FAN1: variants seen among roughly 807,000 people sequenced by gnomAD.
FAN1 encodes FANCD2 and FANCI associated nuclease 1.
FAN1 carries 91 observed loss-of-function variants against 104.9 expected under a neutral mutation model. That is an observed-to-expected ratio of 0.87 (90% CI 0.73 to 1.03). The LOEUF (loss-of-function observed/expected upper bound fraction) is 1.03, where lower values mean the gene tolerates loss of function less well. Among genes scored for constraint, FAN1 ranks in the 50% least tolerant of loss-of-function variants. FAN1 has a pLI of 0.00. For missense variants in FAN1, 1,263 were observed against 1,239.9 expected, an observed-to-expected ratio of 1.02 and a Z score of -0.28; for synonymous variants, 478 against 457.6, an observed-to-expected ratio of 1.04 and a Z score of -0.57.
intron 5 of FAN1, among the ~76,000 whole-genome samples, chr15:30,915,801 A>G (rs993693933): frequency 6.6e-6 from 1 of 152,206 alleles, no homozygotes; most frequent in African/African-American, 2.4e-5. Context: ...AAGAAAGAAT[A>G]GTGTAGGTCT....
At chr15:30,940,953 G>T in intron 14 of FAN1, 2 of 1,095,344 alleles carry the variant, frequency 1.8e-6, no homozygotes, top group Non-Finnish European at 2.2e-6. Flanking sequence ...CAAAGAAGGT[G>T]ATCTAAAATC....
intron 5 of FAN1, among the ~76,000 whole-genome samples, chr15:30,914,419 C>T (rs1285831894): frequency 2.0e-5 from 3 of 152,136 alleles, no homozygotes; most frequent in Non-Finnish European, 4.4e-5. Context: ...GGCTGGAGTG[C>T]GGTGGCATGA....
Position 30,925,794 on chromosome 15 carries a change from C to T in FAN1, c.2343C>T (p.Thr781=). The T allele has an allele frequency of 6.2e-7, 1 of 1,614,118 alleles. No homozygotes were observed. Residue 781 remains threonine, a synonymous_variant, in exon 10 of 15, where the codon ACC becomes ACT. Transcript: ENST00000362065. The part of the protein sequence containing the change: ...EMAVQDVKHV[T]ITGRLCPQRG... ...TTATTCTGCTGCTGTTTCAGGTGAC[C>T]ATCACAGGCAGGCTGTGCCCACAGC...
chr15:30,926,926 C>T lies in FAN1; in HGVS notation c.2488+987C>T, dbSNP rs370413645. The T allele has an allele frequency of 2.6e-4, 260 of 985,350 alleles. 5 individuals are homozygous for T. The South Asian group carries it at 9.3e-3, about 35-fold the overall frequency. 61.0% of individuals were successfully genotyped at this position (985,350 alleles called of 1,614,324 possible). A position where few individuals can be genotyped will look rare whatever the true frequency, so the allele number is the denominator to read the frequency against. On this transcript the variant is annotated intron_variant, in intron 10 of 14. Transcript: ENST00000362065. ...TGCCACAGGGAATTTTGTGTCAGAG[C>T]GATCTCAACCTCTTCTGGGAGGTGA...
intron 14 of FAN1, chr15:30,940,701 TC>T: frequency 1.0e-6 from 1 of 988,342 alleles, no homozygotes. Context: ...CTCTGGGGAC[TC>T]CTGGCTATGA....
chr15:30,925,971 A>G (rs1473015002), intron 10 of FAN1, 32 bp downstream of exon 10: 1 of 1,610,506 alleles, frequency 6.2e-7, no homozygotes, highest in South Asian at 1.1e-5. Flanking sequence ...TGTGGCACCC[A>G]GCCCCGGGTG....
rs1296017417 is a variant in FAN1, at chr15:30,939,390, C to T, written c.*3+2131C>T. The T allele has an allele frequency of 7.1e-6, 7 of 985,374 alleles. No homozygotes were observed. In the East Asian group the frequency reaches 6.8e-4, roughly 96 times the overall value. The allele number at this position is 985,374 out of a possible 1,614,324, so 61.0% of individuals were successfully genotyped here. A position where few individuals can be genotyped will look rare whatever the true frequency, so the allele number is the denominator to read the frequency against. ...TAGTGCGCCCTGTGCAGCCACACCA[C>T]TGCTGTCACCACATGTCCCTCTGAC... is the stretch of plus-strand genomic sequence containing the variant. On this transcript the variant is annotated intron_variant, in intron 14 of 14. Coordinates refer to ENST00000362065, the MANE Select transcript of FAN1 (RefSeq NM_014967.5).
intron 1 of FAN1, 97 bp from the exon 2 acceptor site, chr15:30,904,414 CG>C (rs1566904582): frequency 1.7e-6 from 1 of 574,704 alleles, no homozygotes; most frequent in Non-Finnish European, 3.1e-6. Context: ...GTTGTCTCCT[CG>C]TTACAGGAGA....
chr15:30,941,111 C>CCTAA (rs1219337503), intron 14 of FAN1: 7 of 1,241,162 alleles, frequency 5.6e-6, no homozygotes, highest in Admixed American at 3.1e-5. Flanking sequence ...ACACAAATTT[C>CCTAA]CTAACTTTCC....
rs1453435486 is a variant in FAN1 at position 30,923,713 on chromosome 15, T to G, written c.2172+1359T>G. Among the ~76,000 whole-genome samples the G allele has an allele frequency of 2.0e-5, 3 of 152,230 alleles. No individual in the cohort carries two copies. The East Asian group carries it at 5.8e-4, about 29-fold the overall frequency. On this transcript the variant is annotated intron_variant, in intron 8 of 14. Transcript: ENST00000362065. Reference sequence around the variant, plus strand: ...CACCGTCTTCTGCCAGCGAACAGGGTGCCCTTCAGAGTCTCATTCTCCCAT... The same window carrying G: ...CACCGTCTTCTGCCAGCGAACAGGGGGCCCTTCAGAGTCTCATTCTCCCAT...
chr15:30,940,890 C>T, intron 14 of FAN1: 1 of 1,019,684 alleles, frequency 9.8e-7, no homozygotes, highest in South Asian at 3.7e-5. Context: ...TAAAGTTGAC[C>T]CTATGAAGTT....
In FAN1 at chr15:30,941,646, C is replaced by A. The variant is rs369855394; in HGVS notation, c.*84C>A. 7.5e-6 allele frequency: 12 copies of A among 1,610,728 alleles called. No homozygotes were observed. Among genetic ancestry groups the A allele is most frequent in the Non-Finnish European group, 1.0e-5 (12 of 1,178,532 alleles). ...GTGTCGGTGTGGTGAGGGCCGCTGG[C>A]GTTGAAGTACATCCTGCTCTGGCCC... On this transcript the variant is annotated 3_prime_UTR_variant, in exon 15 of 15. Transcript: ENST00000362065.
In FAN1 at chr15:30,928,566, A is replaced by C; in HGVS notation, c.2502A>C (p.Glu834Asp). The part of the protein sequence containing the change: ...RSGFDQGIHG[E>D]GSTFSTLYGL... ...ACCTTGTCTTAGGGATTCATGGCGA[A>C]GGGTCCACCTTCAGCACCCTGTATG... Residue 834 changes from glutamate (E) to aspartate (D), a missense_variant, in exon 11 of 15, where the codon GAA becomes GAC. Around this residue, in one of 2 missense-constraint regions of FAN1, gnomAD observed 581 missense variants for 668.8 expected, o/e 0.87. Coordinates refer to ENST00000362065, the MANE Select transcript of FAN1 (RefSeq NM_014967.5). 3 of 1,605,280 alleles carry C rather than the reference A, an allele frequency of 1.9e-6. No individual in the cohort carries two copies. Among genetic ancestry groups the C allele is most frequent in the Non-Finnish European group, 2.5e-6 (3 of 1,177,880 alleles).
At chr15:30,935,081 G>A (rs527847654) in intron 13 of FAN1, among the ~76,000 whole-genome samples, 38 of 152,136 alleles carry the variant, frequency 2.5e-4, no homozygotes, top group Non-Finnish European at 3.5e-4. Context: ...TGAGGTGGGC[G>A]GATTGCTTGG....
At chr15:30,922,442 A>T (rs1168326810) in intron 8 of FAN1, 88 bp downstream of exon 8, 3 of 1,289,048 alleles carry the variant, frequency 2.3e-6, no homozygotes, top group Admixed American at 2.3e-5. Context: ...TAAAATTTAC[A>T]TGTAATTAGA....
At chr15:30,930,521 C>T in intron 12 of FAN1, 22 bp from the exon 13 acceptor site, 1 of 1,570,290 alleles carries the variant, frequency 6.4e-7, no homozygotes, top group Non-Finnish European at 8.6e-7. Flanking sequence ...AAGTGGCTAA[C>T]TGTCCTGTGT....
chr15:30,929,779 T>TCATATATAATATATAAAATATATAA (rs1285472396), intron 12 of FAN1, among the ~76,000 whole-genome samples: 1 of 22,734 alleles, frequency 4.4e-5, no homozygotes, highest in African/African-American at 3.0e-4. Context: ...ATATAATATA[T>TCATATATAATATATAAAATATATAA]TATATCATAT....
At chr15:30,940,197 G>A (rs1231949535) in intron 14 of FAN1, 2 of 985,050 alleles carry the variant, frequency 2.0e-6, no homozygotes, top group East Asian at 1.1e-4. Context: ...GGGAGGTGGT[G>A]CCCCGTTTCA....
intron 6 of FAN1, among the ~76,000 whole-genome samples, chr15:30,919,257 G>A (rs1450215227): frequency 6.6e-6 from 1 of 151,140 alleles, no homozygotes; most frequent in Non-Finnish European, 1.5e-5. Flanking sequence ...GTGCCTGCCT[G>A]TAATCCCAGC....
Sources: allele counts gnomAD v4.1 joint callset (sites outside exome capture counted in the v4.1 genomes callset), GRCh38; gene constraint gnomAD v4.1.1; regional missense constraint gnomAD v4.1.1; transcripts MANE v1.5; gene names NCBI Gene and HGNC (gene_info 2026-07-23, HGNC 2026-07-21).